Variants in DOCK2 observed in about 807,000 individuals in gnomAD.
DOCK2 encodes dedicator of cytokinesis 2, also known as dedicator of cytokinesis protein 2.
A neutral mutation model predicts 248.9 loss-of-function variants in DOCK2; 87 were observed. The observed-to-expected ratio is 0.35, with a 90% CI of 0.29 to 0.42. DOCK2 has a LOEUF of 0.42. Ranked by LOEUF, DOCK2 falls within the 10% of genes least tolerant of loss-of-function variation. The probability of loss-of-function intolerance (pLI) is 1.00; values close to 1 mark genes in which losing one functional copy is unlikely to be tolerated. For missense variants in DOCK2, 1,747 were observed against 2,300.2 expected (o/e 0.76, Z 4.92); for synonymous variants, 805 against 821.6 (o/e 0.98, Z 0.35).
intron 25 of DOCK2, among the ~76,000 whole-genome samples, chr5:169,770,404 T>G (rs1765021161): frequency 6.8e-6 from 1 of 148,136 alleles, no homozygotes; most frequent in Non-Finnish European, 1.5e-5. Context: ...CAAGCAATCC[T>G]CCTGCTTCAG....
chr5:169,989,122 T>C (rs577664516), intron 29 of DOCK2, among the ~76,000 whole-genome samples: 2 of 152,326 alleles, frequency 1.3e-5, no homozygotes, highest in South Asian at 2.1e-4. Context: ...TATTTACTTA[T>C]CTGTTTGTTG....
At chr5:169,699,580 G>T in intron 12 of DOCK2, 122 bp downstream of exon 12, 1 of 914,884 alleles carries the variant, frequency 1.1e-6, no homozygotes. Flanking sequence ...CAGACCACTG[G>T]GAAGAATGGG....
chr5:169,702,558 G>C (rs1307753984), intron 14 of DOCK2, 131 bp downstream of exon 14: 2 of 1,350,062 alleles, frequency 1.5e-6, no homozygotes, highest in Non-Finnish European at 2.0e-6. Context: ...TGAATAATGT[G>C]TTCAACACCT....
rs1170244206 is a variant in DOCK2, at chr5:169,711,870, A to AG, written c.1483-59dup. The AG allele has an allele frequency of 3.2e-6, 5 of 1,561,440 alleles. No individual in the cohort carries two copies. In the African/African-American group the frequency reaches 4.1e-5, roughly 13 times the overall value. On this transcript the variant is annotated intron_variant, in intron 15 of 51. Transcript: ENST00000520908. ...TGGTCAGGCTGCTGTGGAAGTGTGTAGGGGGGTGCAGTGGGGAGGGCCCTT... is the reference window on the plus strand; with the variant it reads ...TGGTCAGGCTGCTGTGGAAGTGTGTAGGGGGGGTGCAGTGGGGAGGGCCCTT...
In DOCK2 at chr5:169,763,688, C is replaced by G. The variant is rs551331262; in HGVS notation, c.2554+2063C>G. 6.6e-6 allele frequency among the ~76,000 whole-genome samples: 1 copy of G among 152,294 alleles called. No individual in the cohort carries two copies. The highest frequency in any genetic ancestry group is 2.1e-4 in the South Asian group (1 of 4,828). On this transcript the variant is annotated intron_variant, in intron 25 of 51. Coordinates refer to ENST00000520908, the MANE Select transcript of DOCK2 (RefSeq NM_004946.3). The surrounding 1 kb of genome is among the most constrained non-coding windows in gnomAD (Gnocchi z 4.1). The stretch of plus-strand genomic sequence containing the variant: ...CTGGGTTTCAGATTCAGTAGAAACC[C>G]TCTGATTAATATTAACTGACAGAAG...
rs150384240 is a variant in DOCK2, at chr5:169,855,374, A to G, written c.2799+14522A>G. On this transcript the variant is annotated intron_variant, in intron 27 of 51. Coordinates refer to ENST00000520908, the MANE Select transcript of DOCK2 (RefSeq NM_004946.3). The stretch of plus-strand genomic sequence containing the variant: ...GAAAACAGAATTTGCAAAGTTACTG[A>G]TATGTAGCAGCCTCTGACTTTTTGG... Among the ~76,000 whole-genome samples the G allele has an allele frequency of 8.9e-3, 1,362 of 152,240 alleles. 16 individuals carry two copies. Among genetic ancestry groups the G allele is most frequent in the Non-Finnish European group, 0.013 (915 of 68,010 alleles).
At chr5:169,797,481 T>A (rs1217760087) in intron 25 of DOCK2, among the ~76,000 whole-genome samples, 1 of 152,208 alleles carries the variant, frequency 6.6e-6, no homozygotes, top group Non-Finnish European at 1.5e-5. Flanking sequence ...TTCAGGTAGG[T>A]AGCACTGACC....
intron 26 of DOCK2, among the ~76,000 whole-genome samples, chr5:169,809,641 C>A (rs935546885): frequency 1.3e-4 from 20 of 152,258 alleles, no homozygotes; most frequent in Non-Finnish European, 2.4e-4. Flanking sequence ...CTTCCCTGAG[C>A]CACAGGTGTA....
At chr5:169,786,013 G>A (rs1301749246) in intron 25 of DOCK2, among the ~76,000 whole-genome samples, 1 of 152,182 alleles carries the variant, frequency 6.6e-6, no homozygotes, top group Non-Finnish European at 1.5e-5. Context: ...GTAGAGTACA[G>A]AGATGCCAAG....
In DOCK2 at chr5:169,818,451, A is replaced by G. The variant is rs148059797; in HGVS notation, c.2703+15245A>G. Reference sequence around the variant, plus strand: ...CACATAGGCATGGATTTGAATTCCAATGCCATCACTAACTAGCCGGGTGGT... The same window carrying G: ...CACATAGGCATGGATTTGAATTCCAGTGCCATCACTAACTAGCCGGGTGGT... On this transcript the variant is annotated intron_variant, in intron 26 of 51. Transcript: ENST00000520908. Among the ~76,000 whole-genome samples the G allele has an allele frequency of 4.4e-4, 67 of 152,340 alleles. 1 individual carries two copies. Among genetic ancestry groups the G allele is most frequent in the Admixed American group, 3.5e-3 (54 of 15,304 alleles).
rs557004131 is a variant in DOCK2, at chr5:169,721,518, A to C, written c.2267+2727A>C. Among the ~76,000 whole-genome samples the C allele has an allele frequency of 2.6e-5, 4 of 152,326 alleles. No individual in the cohort carries two copies. In the South Asian group the frequency reaches 8.3e-4, roughly 32 times the overall value. ...CTTCTGTGGGAAACTAGAAAACAGAAGTTTCAATGCTTTGAGATGTCTAAC... is the reference window on the plus strand; with the variant it reads ...CTTCTGTGGGAAACTAGAAAACAGACGTTTCAATGCTTTGAGATGTCTAAC... On this transcript the variant is annotated intron_variant, in intron 22 of 51. Transcript: ENST00000520908.
intron 44 of DOCK2, among the ~76,000 whole-genome samples, chr5:170,064,463 A>G (rs1757428004): frequency 6.6e-6 from 1 of 151,944 alleles, no homozygotes; most frequent in Non-Finnish European, 1.5e-5. Context: ...TTATAACTGA[A>G]CTGAAAAATG....
At chr5:169,972,233 G>A (rs1207467003) in intron 27 of DOCK2, among the ~76,000 whole-genome samples, 2 of 152,070 alleles carry the variant, frequency 1.3e-5, no homozygotes, top group Non-Finnish European at 2.9e-5. Context: ...CTCATAGATT[G>A]TTCCTGCTTA....
intron 8 of DOCK2, among the ~76,000 whole-genome samples, chr5:169,688,467 G>A (rs749144935): frequency 2.4e-4 from 37 of 152,274 alleles, no homozygotes; most frequent in Middle Eastern, 3.4e-3. Flanking sequence ...TGAAACGCTT[G>A]GGACCAGAAT....
At chr5:169,864,388 G>T in intron 27 of DOCK2, 1 of 1,551,454 alleles carries the variant, frequency 6.4e-7, no homozygotes, top group Non-Finnish European at 8.7e-7. Context: ...CTCCTCAACT[G>T]GCTCTGCTTC....
chr5:169,974,839 C>A (rs995650884), intron 27 of DOCK2, among the ~76,000 whole-genome samples: 1 of 150,544 alleles, frequency 6.6e-6, no homozygotes, highest in African/African-American at 2.5e-5. Context: ...GACCCCCCTC[C>A]CCCCGACACA....
intron 27 of DOCK2, among the ~76,000 whole-genome samples, chr5:169,945,279 G>A (rs1776400907): frequency 2.0e-5 from 3 of 152,208 alleles, no homozygotes; most frequent in South Asian, 4.1e-4. Flanking sequence ...CCATACTAAC[G>A]CCTTAGCAGG....
rs1209377161 is a variant in DOCK2 at position 169,802,278 on chromosome 5, C to T, written c.2555-780C>T. On this transcript the variant is annotated intron_variant, in intron 25 of 51. Coordinates refer to ENST00000520908, the MANE Select transcript of DOCK2 (RefSeq NM_004946.3). ...CTGGGTTCAAGTGATTCTCCTGCCTCAGCCTCCCAAAGAGCTGGGATTACA... is the reference window on the plus strand; with the variant it reads ...CTGGGTTCAAGTGATTCTCCTGCCTTAGCCTCCCAAAGAGCTGGGATTACA... 2.6e-5 allele frequency among the ~76,000 whole-genome samples: 4 copies of T among 152,228 alleles called. No individual in the cohort carries two copies. The East Asian group carries it at 7.7e-4, about 29-fold the overall frequency.
At position 169,815,102 on chromosome 5, in the gene DOCK2, G is replaced by A. The variant is rs549763096; in HGVS notation, c.2703+11896G>A. Among the ~76,000 whole-genome samples, 60 of 152,298 alleles carry A rather than the reference G, an allele frequency of 3.9e-4. 1 individual carries two copies. The highest frequency in any genetic ancestry group is 3.4e-3 in the Middle Eastern group (1 of 294). On this transcript the variant is annotated intron_variant, in intron 26 of 51. Transcript: ENST00000520908. ...GACCTTGCAGCCTATAGTATTTCAC[G>A]TGGGCTATTTGACATCCCTAGCCAT...
Sources: gnomAD v4.1 joint callset for allele counts (sites outside exome capture counted in the v4.1 genomes callset) on GRCh38, gnomAD v4.1.1 for gene constraint, Gnocchi (gnomAD v3.1) non-coding constraint, MANE v1.5 for transcripts, NCBI Gene and HGNC (gene_info 2026-07-23, HGNC 2026-07-21) for gene names.